EIF3E: variants seen among roughly 807,000 people sequenced by gnomAD.
EIF3E encodes the protein eukaryotic translation initiation factor 3 subunit E, also known as eIF-3 p48.
A neutral mutation model predicts 59.3 loss-of-function variants in EIF3E; 25 were observed. The observed-to-expected ratio is 0.42, with a 90% CI of 0.31 to 0.59. The LOEUF (loss-of-function observed/expected upper bound fraction) is 0.59, where lower values mean the gene tolerates loss of function less well. EIF3E is among the 20% of genes least tolerant of loss of function. The probability of loss-of-function intolerance (pLI) is 0.15; values close to 1 mark genes in which losing one functional copy is unlikely to be tolerated. For synonymous variants in EIF3E, 176 were observed against 170.2 expected, an observed-to-expected ratio of 1.03 and a Z score of -0.26; for missense variants, 317 against 534.3, an observed-to-expected ratio of 0.59 and a Z score of 4.01.
intron 7 of EIF3E, chr8:108,227,316 A>G (rs11993940): frequency 1.2e-4 from 19 of 152,220 alleles, no homozygotes; most frequent in African/African-American, 4.6e-4. Context: ...ACAGCCAGAC[A>G]TTATCTAAAA....
chr8:108,213,226 A>C (rs1252405046), intron 10 of EIF3E, among the ~76,000 whole-genome samples: 1 of 152,214 alleles, frequency 6.6e-6, no homozygotes, highest in Non-Finnish European at 1.5e-5. Context: ...TGCAGAGTTA[A>C]AGGAAAAGAG....
At chr8:108,211,269 A>AC (rs1162598111) in intron 10 of EIF3E, among the ~76,000 whole-genome samples, 11 of 152,056 alleles carry the variant, frequency 7.2e-5, no homozygotes, top group Non-Finnish European at 1.5e-4. Context: ...TTGTTTCCTG[A>AC]CTTTTTAATG....
intron 12 of EIF3E, 103 bp from the exon 13 acceptor site, chr8:108,202,026 T>C (rs1815004321): frequency 2.7e-6 from 3 of 1,098,492 alleles, no homozygotes; most frequent in South Asian, 4.2e-5. Context: ...CACTATAGTC[T>C]CTTGCCAAAC....
At chr8:108,234,826 T>G (rs1676509845) in intron 5 of EIF3E, 172 bp downstream of exon 5, 2 of 397,626 alleles carry the variant, frequency 5.0e-6, no homozygotes, top group Middle Eastern at 6.9e-4. Flanking sequence ...AAACAAGGTT[T>G]CTAGTTTCTG....
At chr8:108,239,504 A>G (rs1815797526) in intron 3 of EIF3E, among the ~76,000 whole-genome samples, 1 of 152,270 alleles carries the variant, frequency 6.6e-6, no homozygotes, top group South Asian at 2.1e-4. Flanking sequence ...ACAGTGGAAC[A>G]GGGTTTCTTA....
Position 108,239,962 on chromosome 8 carries a change from T to C in EIF3E, c.319A>G (p.Thr107Ala), listed in dbSNP as rs570470842. 6.2e-7 allele frequency: 1 copy of C among 1,611,986 alleles called. No individual in the cohort carries two copies. The highest frequency in any genetic ancestry group is 1.1e-5 in the South Asian group (1 of 91,018). The part of the protein sequence containing the change: ...DPETTRQMQS[T>A]RDGRMLFDYL... ...TCAAAATTAAGACGAGTTTACCTGGTTGACTGCATTTGCCTTGTAGTTTCT... is the reference window on the plus strand; with the variant it reads ...TCAAAATTAAGACGAGTTTACCTGGCTGACTGCATTTGCCTTGTAGTTTCT... The change falls in exon 3 of 13, where the codon ACC (threonine) becomes GCC (alanine). Residue 107 changes from threonine to alanine, a missense_variant. By Grantham distance (58) the Thr-to-Ala change is moderately conservative (BLOSUM62 0). Around this residue, in one of 4 missense-constraint regions of EIF3E, gnomAD observed 242 missense variants for 398.0 expected, o/e 0.61. Coordinates refer to ENST00000220849, the MANE Select transcript of EIF3E (RefSeq NM_001568.3).
At chr8:108,204,744 TATAGAGAGAGAGAGAG>T (rs1238982872) in intron 10 of EIF3E, among the ~76,000 whole-genome samples, 13 of 102,692 alleles carry the variant, frequency 1.3e-4, no homozygotes, top group South Asian at 3.2e-4. Flanking sequence ...TATATATATA[TATAGAGAGAGAGAGAG>T]AGAGAGAGAG....
In EIF3E at chr8:108,201,449, G is replaced by C. The variant is rs1182688293; in HGVS notation, c.*436C>G. On this transcript the variant is annotated 3_prime_UTR_variant, in exon 13 of 13. Coordinates refer to ENST00000220849, the MANE Select transcript of EIF3E (RefSeq NM_001568.3). The stretch of plus-strand genomic sequence containing the variant: ...TTGGGAGTAGGTATGGCTACAAAAA[G>C]GTAGCATGAGGGAGATCATGATGAT... 1 of 152,108 alleles carries C rather than the reference G, an allele frequency of 6.6e-6. No homozygotes were observed. Among genetic ancestry groups the C allele is most frequent in the Non-Finnish European group, 1.5e-5 (1 of 68,142 alleles). The allele number at this position is 152,108 out of a possible 1,614,324, so 9.4% of individuals were successfully genotyped here. A position where few individuals can be genotyped will look rare whatever the true frequency, so the allele number is the denominator to read the frequency against.
intron 10 of EIF3E, among the ~76,000 whole-genome samples, chr8:108,205,915 T>C (rs563832216): frequency 3.1e-4 from 47 of 152,336 alleles, no homozygotes; most frequent in African/African-American, 1.1e-3. Context: ...CATAGTTATG[T>C]GTGCACAGGG....
At chr8:108,206,212 AAGTCAAG>A (rs149212585) in intron 10 of EIF3E, among the ~76,000 whole-genome samples, 7 of 152,216 alleles carry the variant, frequency 4.6e-5, no homozygotes, top group African/African-American at 1.7e-4. Context: ...TACAGAGTTT[AAGTCAAG>A]GGGGTCTTGA....
At chr8:108,237,856 C>T (rs1447589573) in intron 3 of EIF3E, among the ~76,000 whole-genome samples, 4 of 151,892 alleles carry the variant, frequency 2.6e-5, no homozygotes, top group African/African-American at 9.7e-5. Context: ...AGTGTAAGTA[C>T]GATACTATAT....
At chr8:108,213,882 G>A (rs1006913348) in intron 10 of EIF3E, among the ~76,000 whole-genome samples, 1 of 152,122 alleles carries the variant, frequency 6.6e-6, no homozygotes, top group African/African-American at 2.4e-5. Context: ...AGCGAAGTAT[G>A]GATAAGCAAA....
At chr8:108,204,746 T>TATATATATATATATATATATATATAGAG (rs1354950271) in intron 10 of EIF3E, among the ~76,000 whole-genome samples, 1 of 113,688 alleles carries the variant, frequency 8.8e-6, no homozygotes, top group Non-Finnish European at 1.8e-5. Context: ...TATATATATA[T>TATATATATATATATATATATATATAGAG]AGAGAGAGAG....
At chr8:108,232,198 T>C (rs972303217) in intron 5 of EIF3E, among the ~76,000 whole-genome samples, 5 of 152,096 alleles carry the variant, frequency 3.3e-5, no homozygotes, top group Non-Finnish European at 5.9e-5. Context: ...GAAAAAGATA[T>C]CTATTCTTTT....
intron 10 of EIF3E, among the ~76,000 whole-genome samples, chr8:108,207,442 T>A (rs1012304305): frequency 1.3e-5 from 2 of 152,104 alleles, no homozygotes; most frequent in Non-Finnish European, 2.9e-5. Flanking sequence ...AAAACCAATT[T>A]TAAAAAGACA....
At chr8:108,236,305 T>C in intron 3 of EIF3E, 102 bp from the exon 4 acceptor site, 1 of 742,490 alleles carries the variant, frequency 1.3e-6, no homozygotes, top group Non-Finnish European at 2.2e-6. Context: ...TCACCTTAAA[T>C]AAATACTTAA....
intron 1 of EIF3E, chr8:108,242,177 T>TA (rs1286482069): frequency 3.0e-6 from 4 of 1,345,968 alleles, no homozygotes; most frequent in African/African-American, 1.5e-5. Flanking sequence ...TACATGACCT[T>TA]ATTTTTTATG....
chr8:108,206,765 T>C (rs1347722901), intron 10 of EIF3E, among the ~76,000 whole-genome samples: 1 of 152,170 alleles, frequency 6.6e-6, no homozygotes, highest in Non-Finnish European at 1.5e-5. Context: ...ATTGCGCCAC[T>C]GTACTCCAGC....
chr8:108,211,135 T>C lies in EIF3E; in HGVS notation c.1061+3472A>G, dbSNP rs554827316. 1.9e-3 allele frequency among the ~76,000 whole-genome samples: 290 copies of C among 152,318 alleles called. 3 individuals carry two copies. Among genetic ancestry groups the C allele is most frequent in the African/African-American group, 6.8e-3 (283 of 41,564 alleles). ...CCAGTAATGGGATGGCTGGGTCAAA[T>C]GGTATTTCTAGTTCTAGATCCTTGA... On this transcript the variant is annotated intron_variant, in intron 10 of 12. Coordinates refer to ENST00000220849, the MANE Select transcript of EIF3E (RefSeq NM_001568.3).
Sources: allele counts gnomAD v4.1 joint callset (sites outside exome capture counted in the v4.1 genomes callset), GRCh38; gene constraint gnomAD v4.1.1; regional missense constraint gnomAD v4.1.1; transcripts MANE v1.5; gene names NCBI Gene and HGNC (gene_info 2026-07-23, HGNC 2026-07-21).